NEDD4L: variants seen among roughly 807,000 people sequenced by gnomAD.
NEDD4L encodes the protein NEDD4 like E3 ubiquitin protein ligase.
A neutral mutation model predicts 148.9 loss-of-function variants in NEDD4L; 54 were observed. The ratio of observed to expected loss-of-function variants is 0.36; its 90% CI spans 0.29 to 0.45. NEDD4L has a LOEUF of 0.45. Among genes scored for constraint, NEDD4L ranks in the 20% least tolerant of loss-of-function variants. NEDD4L has a pLI of 1.00. For synonymous variants in NEDD4L, 433 were observed against 440.7 expected, an observed-to-expected ratio of 0.98 and a Z score of 0.22; for missense variants, 856 against 1,233.8, an observed-to-expected ratio of 0.69 and a Z score of 4.59.
intron 5 of NEDD4L, among the ~76,000 whole-genome samples, chr18:58,308,085 A>T (rs1326379508): frequency 6.6e-6 from 1 of 152,238 alleles, no homozygotes; most frequent in Non-Finnish European, 1.5e-5. Context: ...AAAATTAAAC[A>T]ATATTATATT....
At chr18:58,072,854 T>A (rs1482797723) in intron 1 of NEDD4L, among the ~76,000 whole-genome samples, 1 of 145,008 alleles carries the variant, frequency 6.9e-6, no homozygotes, top group African/African-American at 2.6e-5. Context: ...TAGAAAATCC[T>A]AAGGCGCGCG....
chr18:58,381,978 A>G (rs1001529486), intron 24 of NEDD4L, among the ~76,000 whole-genome samples: 1 of 152,226 alleles, frequency 6.6e-6, no homozygotes, highest in Non-Finnish European at 1.5e-5. Flanking sequence ...ATGTCAGCAA[A>G]ACCGGAAACG....
chr18:58,161,643 G>A (rs1445178106), intron 1 of NEDD4L, among the ~76,000 whole-genome samples: 1 of 152,078 alleles, frequency 6.6e-6, no homozygotes, highest in Non-Finnish European at 1.5e-5. Context: ...AGGGTAGACT[G>A]CTATAACAAC....
chr18:58,156,754 C>G (rs918711229), intron 1 of NEDD4L, among the ~76,000 whole-genome samples: 1 of 152,252 alleles, frequency 6.6e-6, no homozygotes, highest in Middle Eastern at 3.4e-3. Context: ...CTCATCTGCT[C>G]TCCTGCATGC....
At chr18:58,247,105 T>C (rs1011091273) in intron 3 of NEDD4L, among the ~76,000 whole-genome samples, 1 of 152,208 alleles carries the variant, frequency 6.6e-6, no homozygotes, top group Non-Finnish European at 1.5e-5. Context: ...TGGGTTACTA[T>C]GATTTTTTTC....
chr18:58,255,962 G>A lies in NEDD4L; in HGVS notation c.297+3908G>A, dbSNP rs185712362. ...CACGGACGGGGCCACGGACGGGTGC[G>A]GGCCGCCCGAGGGCGCCGACGATGG... On this transcript the variant is annotated intron_variant, in intron 5 of 30. Transcript: ENST00000400345. The A allele has an allele frequency of 8.0e-3, 9,879 of 1,230,872 alleles. 39 individuals are homozygous for A. Among genetic ancestry groups the A allele is most frequent in the Non-Finnish European group, 8.6e-3 (8,518 of 987,480 alleles). 76.2% of individuals were successfully genotyped at this position (1,230,872 alleles called of 1,614,324 possible). A position where few individuals can be genotyped will look rare whatever the true frequency, so the allele number is the denominator to read the frequency against.
At chr18:58,072,860 G>GCT (rs1374633651) in intron 1 of NEDD4L, among the ~76,000 whole-genome samples, 2 of 113,870 alleles carry the variant, frequency 1.8e-5, no homozygotes, top group Admixed American at 1.7e-4. Flanking sequence ...ATCCTAAGGC[G>GCT]CGCGCGCGCG....
intron 5 of NEDD4L, among the ~76,000 whole-genome samples, chr18:58,279,412 C>T (rs887950576): frequency 6.6e-6 from 1 of 152,072 alleles, no homozygotes; most frequent in Non-Finnish European, 1.5e-5. Flanking sequence ...ATGAAAGGTG[C>T]GACCAAGGGT....
At chr18:58,273,222 G>A (rs1230164647) in intron 5 of NEDD4L, among the ~76,000 whole-genome samples, 1 of 152,224 alleles carries the variant, frequency 6.6e-6, no homozygotes, top group Non-Finnish European at 1.5e-5. Context: ...GTAGAACACA[G>A]TCATGCATCT....
intron 1 of NEDD4L, among the ~76,000 whole-genome samples, chr18:58,069,425 T>G (rs567886171): frequency 6.6e-6 from 1 of 152,352 alleles, no homozygotes; most frequent in African/African-American, 2.4e-5. Context: ...AACTGATAAC[T>G]AAAAGTATTC....
Position 58,373,136 on chromosome 18 carries a change from A to G in NEDD4L, c.2257-38A>G, listed in dbSNP as rs1468837378. 5.9e-6 allele frequency: 7 copies of G among 1,184,424 alleles called. No individual in the cohort carries two copies. In the East Asian group the frequency reaches 1.5e-4, roughly 26 times the overall value. The allele number at this position is 1,184,424 out of a possible 1,614,324, so 73.4% of individuals were successfully genotyped here. On this transcript the variant is annotated intron_variant, in intron 23 of 30. Coordinates refer to ENST00000400345, the MANE Select transcript of NEDD4L (RefSeq NM_001144967.3). ...AGTCAAATGAGTTTGTATTTTGGGG[A>G]AAAAATGCTGAATTTTCACTCCTGT...
chr18:58,103,711 A>G (rs2084905210), intron 1 of NEDD4L, among the ~76,000 whole-genome samples: 1 of 152,234 alleles, frequency 6.6e-6, no homozygotes, highest in African/African-American at 2.4e-5. Context: ...GCTGAAAGTG[A>G]TAATGCTAGA....
At chr18:58,098,966 T>A (rs2084593524) in intron 1 of NEDD4L, among the ~76,000 whole-genome samples, 1 of 152,216 alleles carries the variant, frequency 6.6e-6, no homozygotes, top group South Asian at 2.1e-4. Context: ...GAGCACCAGG[T>A]CACTATTATT....
At position 58,396,388 on chromosome 18, in the gene NEDD4L, G is replaced by A. The variant is rs1452581875; in HGVS notation, c.*119G>A. On this transcript the variant is annotated 3_prime_UTR_variant, in exon 31 of 31. Transcript: ENST00000400345. ...AGCAGCTGCAGGCATGGTCCCTGGA[G>A]CCGAGCCTTCACCACGCACTCGTCC... The A allele has an allele frequency of 2.9e-6, 2 of 678,316 alleles. No individual in the cohort carries two copies. Among genetic ancestry groups the A allele is most frequent in the Non-Finnish European group, 5.2e-6 (2 of 384,938 alleles). 42.0% of individuals were successfully genotyped at this position (678,316 alleles called of 1,614,324 possible). A position where few individuals can be genotyped will look rare whatever the true frequency, so the allele number is the denominator to read the frequency against.
chr18:58,295,585 A>G (rs2055440464), intron 5 of NEDD4L, among the ~76,000 whole-genome samples: 1 of 152,214 alleles, frequency 6.6e-6, no homozygotes, highest in Non-Finnish European at 1.5e-5. Context: ...AAAATAGTTT[A>G]AATGACATAT....
At chr18:58,284,166 T>A (rs1895939666) in intron 5 of NEDD4L, among the ~76,000 whole-genome samples, 1 of 152,242 alleles carries the variant, frequency 6.6e-6, no homozygotes, top group South Asian at 2.1e-4. Context: ...TGTGGTACTT[T>A]GTTACAGCAG....
intron 16 of NEDD4L, among the ~76,000 whole-genome samples, chr18:58,349,121 T>C (rs1056006229): frequency 2.0e-5 from 3 of 151,716 alleles, no homozygotes; most frequent in Admixed American, 2.0e-4. Context: ...TTCCCTAACG[T>C]GTTAGGCTGG....
chr18:58,066,455 A>C (rs2144798950), intron 1 of NEDD4L, among the ~76,000 whole-genome samples: 1 of 132,362 alleles, frequency 7.6e-6, no homozygotes, highest in East Asian at 2.7e-4. Context: ...CAGTGGCATG[A>C]TCTCAGCTTA....
chr18:58,169,248 A>C (rs905307631), intron 2 of NEDD4L, among the ~76,000 whole-genome samples: 4 of 152,212 alleles, frequency 2.6e-5, no homozygotes, highest in Non-Finnish European at 4.4e-5. Flanking sequence ...TTTGGAGCAG[A>C]TTGGATAACC....
Sources: gnomAD v4.1 joint callset for allele counts (sites outside exome capture counted in the v4.1 genomes callset) on GRCh38, gnomAD v4.1.1 for gene constraint, MANE v1.5 for transcripts, NCBI Gene and HGNC (gene_info 2026-07-23, HGNC 2026-07-21) for gene names.